The following MED27 variants were observed in gnomAD, a reference collection of about 807,000 sequenced individuals.
MED27 encodes mediator of RNA polymerase II transcription subunit 27.
In MED27, 30 loss-of-function variants were observed where a neutral mutation model predicts 38.2. The observed-to-expected ratio is 0.79, with a 90% confidence interval of 0.59 to 1.07. The LOEUF is 1.07. Ranked by LOEUF, MED27 falls within the 50% of genes least tolerant of loss-of-function variation. MED27 has a pLI of 0.00. For missense variants in MED27, 289 were observed against 397.5 expected (o/e 0.73, Z 2.32); for synonymous variants, 122 against 153.5 (o/e 0.79, Z 1.52).
intron 3 of MED27, among the ~76,000 whole-genome samples, chr9:131,963,741 T>C (rs1358526076): frequency 6.6e-6 from 1 of 152,200 alleles, no homozygotes; most frequent in Non-Finnish European, 1.5e-5. Flanking sequence ...CTCCTGTGCT[T>C]TATATTTATA....
chr9:131,974,257 C>T (rs893970872), intron 3 of MED27, among the ~76,000 whole-genome samples: 3 of 152,246 alleles, frequency 2.0e-5, no homozygotes, highest in Middle Eastern at 3.4e-3. Flanking sequence ...TGTCCTGTTT[C>T]GGTTAGTTAA....
intron 2 of MED27, chr9:132,073,768 GAA>G (rs200460682): frequency 6.8e-4 from 786 of 1,158,018 alleles, no homozygotes; most frequent in Admixed American, 2.5e-3. Context: ...AATCAAACGT[GAA>G]AAAAAAAAAA....
intron 2 of MED27, among the ~76,000 whole-genome samples, chr9:132,016,782 G>C (rs1314169539): frequency 6.6e-6 from 1 of 152,192 alleles, no homozygotes; most frequent in Admixed American, 6.5e-5. Context: ...GAGGAGGCCT[G>C]CTAACTATGC....
chr9:132,007,114 C>T (rs1832374788), intron 3 of MED27, among the ~76,000 whole-genome samples: 1 of 152,152 alleles, frequency 6.6e-6, no homozygotes, highest in Non-Finnish European at 1.5e-5. Flanking sequence ...ACTGGAAGCC[C>T]TAGGTGTGAG....
chr9:132,010,734 G>T (rs976415574), intron 3 of MED27, among the ~76,000 whole-genome samples: 1 of 152,126 alleles, frequency 6.6e-6, no homozygotes, highest in East Asian at 1.9e-4. Flanking sequence ...CCTTTGTAGG[G>T]ACATGGATGA....
At chr9:131,953,364 A>G (rs1034063315) in intron 3 of MED27, among the ~76,000 whole-genome samples, 1 of 152,208 alleles carries the variant, frequency 6.6e-6, no homozygotes, top group African/African-American at 2.4e-5. Flanking sequence ...TGTCAAGTTC[A>G]TATTTGCAGG....
chr9:132,068,309 G>A (rs900467955), intron 2 of MED27, among the ~76,000 whole-genome samples: 22 of 152,144 alleles, frequency 1.4e-4, no homozygotes, highest in Non-Finnish European at 2.5e-4. Flanking sequence ...CAAAGGACTC[G>A]GGCTCCCGTG....
chr9:132,039,260 T>C (rs934726176), intron 2 of MED27, among the ~76,000 whole-genome samples: 1 of 152,324 alleles, frequency 6.6e-6, no homozygotes, highest in Middle Eastern at 3.4e-3. Flanking sequence ...GAGTGCTATG[T>C]GTCGGGCACT....
chr9:131,993,825 C>T (rs555704605), intron 3 of MED27, among the ~76,000 whole-genome samples: 7 of 152,280 alleles, frequency 4.6e-5, no homozygotes, highest in South Asian at 2.1e-4. Context: ...GGGTCTTCTC[C>T]GTACACTCTG....
intron 3 of MED27, among the ~76,000 whole-genome samples, chr9:131,967,867 G>A (rs1207717578): frequency 7.0e-6 from 1 of 142,426 alleles, no homozygotes; most frequent in Non-Finnish European, 1.5e-5. Context: ...CGCCCAGGCT[G>A]TAGTGCAGTG....
intron 4 of MED27, among the ~76,000 whole-genome samples, chr9:131,925,019 A>C (rs1343769526): frequency 6.6e-6 from 1 of 152,210 alleles, no homozygotes; most frequent in Non-Finnish European, 1.5e-5. Flanking sequence ...ACGCTTACCC[A>C]ATAGATGACA....
intron 3 of MED27, among the ~76,000 whole-genome samples, chr9:131,948,047 T>G (rs959461534): frequency 2.0e-4 from 30 of 152,240 alleles, no homozygotes; most frequent in African/African-American, 7.0e-4. Context: ...TGACTGAAAC[T>G]ACAACTATCA....
At position 132,006,284 on chromosome 9, in the gene MED27, C is replaced by T. The variant is rs546562885; in HGVS notation, c.479+8053G>A. ...TCCCTGGAAAAGGAGACTGAGGAAA[C>T]GCTCTGCATTTCCAAGGCTTGTGGC... On this transcript the variant is annotated intron_variant, in intron 3 of 7. Coordinates refer to ENST00000292035, the MANE Select transcript of MED27 (RefSeq NM_004269.4). Among the ~76,000 whole-genome samples the T allele has an allele frequency of 3.9e-5, 6 of 152,298 alleles. No individual in the cohort carries two copies. In the East Asian group the frequency reaches 1.2e-3, roughly 29 times the overall value.
chr9:131,994,750 CT>C (rs1438029479), intron 3 of MED27, among the ~76,000 whole-genome samples: 2 of 152,188 alleles, frequency 1.3e-5, no homozygotes, highest in Non-Finnish European at 2.9e-5. Flanking sequence ...ACTTAGAGTT[CT>C]GACTTAGGGC....
At chr9:131,875,253 G>A (rs1838910107) in intron 6 of MED27, among the ~76,000 whole-genome samples, 1 of 152,212 alleles carries the variant, frequency 6.6e-6, no homozygotes, top group South Asian at 2.1e-4. Context: ...GGCTGTAACT[G>A]TGGTGTCTTA....
intron 4 of MED27, among the ~76,000 whole-genome samples, chr9:131,920,774 C>A (rs528920807): frequency 6.5e-4 from 98 of 151,644 alleles, no homozygotes; most frequent in Middle Eastern, 6.8e-3. Flanking sequence ...CAGCGCTGGG[C>A]CTAGTGGTGG....
At chr9:132,032,703 G>C (rs1564332916) in intron 2 of MED27, among the ~76,000 whole-genome samples, 2 of 152,158 alleles carry the variant, frequency 1.3e-5, no homozygotes, top group African/African-American at 4.8e-5. Flanking sequence ...AAGGAATGCA[G>C]AATGCCACAG....
In MED27 at chr9:132,014,362, G is replaced by A. The variant is rs775135040; in HGVS notation, c.454C>T (p.Pro152Ser). The A allele has an allele frequency of 1.2e-6, 2 of 1,612,644 alleles. No homozygotes were observed. The highest frequency in any genetic ancestry group is 1.7e-6 in the Non-Finnish European group (2 of 1,179,956). Residue 152 changes from proline to serine, a missense_variant, in exon 3 of 8, where the codon CCC (proline) becomes TCC (serine). Physicochemically the swap from Pro to Ser is moderately conservative, Grantham distance 74 (BLOSUM62 -1). Transcript: ENST00000292035. ...VSAKRRPKAQPTTLVLPPQYV... is the reference protein window; with the variant it reads ...VSAKRRPKAQSTTLVLPPQYV... Reference sequence around the variant, plus strand: ...TGAGGTGGTAGGACAAGAGTTGTGGGCTGAGCCTTTGGTCTACGTTTGGCA... The same window carrying A: ...TGAGGTGGTAGGACAAGAGTTGTGGACTGAGCCTTTGGTCTACGTTTGGCA...
chr9:131,974,442 T>C (rs1461757847), intron 3 of MED27, among the ~76,000 whole-genome samples: 1 of 152,222 alleles, frequency 6.6e-6, no homozygotes, highest in Non-Finnish European at 1.5e-5. Context: ...GTTAGTAGAC[T>C]GAACTTTTAA....
Sources: allele counts gnomAD v4.1 joint callset (sites outside exome capture counted in the v4.1 genomes callset), GRCh38; gene constraint gnomAD v4.1.1; transcripts MANE v1.5; gene names NCBI Gene and HGNC (gene_info 2026-07-23, HGNC 2026-07-21).